NFKB1: variants seen among roughly 807,000 people sequenced by gnomAD.
The protein encoded by NFKB1 is nuclear factor kappa B subunit 1.
In NFKB1, 9 loss-of-function variants were observed where a neutral mutation model predicts 105.1. That is an observed-to-expected ratio of 0.09 (90% CI 0.05 to 0.15). The LOEUF (loss-of-function observed/expected upper bound fraction) is 0.15, where lower values mean the gene tolerates loss of function less well. Among genes scored for constraint, NFKB1 ranks in the 10% least tolerant of loss-of-function variants. The pLI, the probability that NFKB1 is intolerant of heterozygous loss-of-function variation, is 1.00. For missense variants in NFKB1, 830 were observed against 1,203.7 expected (o/e 0.69, Z 4.59); for synonymous variants, 440 against 442.2 (o/e 1.00, Z 0.06).
chr4:102,533,320 A>C (rs1216812736), intron 3 of NFKB1, among the ~76,000 whole-genome samples: 2 of 152,174 alleles, frequency 1.3e-5, no homozygotes, highest in African/African-American at 2.4e-5. Context: ...GTAAGGAAAA[A>C]GAGATAGCCT....
intron 4 of NFKB1, chr4:102,537,598 A>C: frequency 3.3e-6 from 1 of 306,046 alleles, no homozygotes; most frequent in Non-Finnish European, 6.2e-6. Flanking sequence ...CTCTCCACAC[A>C]TGCATAGCAT....
At chr4:102,529,626 C>A (rs534325250) in intron 2 of NFKB1, among the ~76,000 whole-genome samples, 1 of 152,174 alleles carries the variant, frequency 6.6e-6, no homozygotes, top group Admixed American at 6.5e-5. Context: ...GTTACGTAAA[C>A]GTTGTCCAAC....
chr4:102,565,235 G>T (rs1723762765), intron 5 of NFKB1, among the ~76,000 whole-genome samples: 4 of 152,016 alleles, frequency 2.6e-5, no homozygotes. Context: ...TTCGTGATTG[G>T]CTTGCTCTGG....
intron 5 of NFKB1, among the ~76,000 whole-genome samples, chr4:102,550,459 A>G (rs1272383751): frequency 6.6e-6 from 1 of 152,276 alleles, no homozygotes; most frequent in East Asian, 1.9e-4. Context: ...TTCTAATTCC[A>G]ATCCAACACT....
chr4:102,529,839 T>A lies in NFKB1; in HGVS notation c.43T>A (p.Phe15Ile). ...DPYLGRPEQMFHLDPSLTHTI... is the reference protein window; with the variant it reads ...DPYLGRPEQMIHLDPSLTHTI... ...ATTTAAATGTTCTTCTTTACAGATGTTTCATTTGGATCCTTCTTTGACTCA... is the reference window on the plus strand; with the variant it reads ...ATTTAAATGTTCTTCTTTACAGATGATTCATTTGGATCCTTCTTTGACTCA... The change falls in exon 3 of 24, where the codon TTT (phenylalanine) becomes ATT (isoleucine). Residue 15 changes from phenylalanine to isoleucine, a missense_variant. This residue lies in a region of NFKB1 where 46 missense variants were observed against 48.3 expected (regional missense o/e 0.95). Coordinates refer to ENST00000226574, the MANE Select transcript of NFKB1 (RefSeq NM_003998.4). 1 of 1,595,518 alleles carries A rather than the reference T, an allele frequency of 6.3e-7. No individual in the cohort carries two copies. The highest frequency in any genetic ancestry group is 1.1e-5 in the South Asian group (1 of 89,526).
chr4:102,601,814 A>G (rs1299855516), intron 16 of NFKB1, among the ~76,000 whole-genome samples: 1 of 152,190 alleles, frequency 6.6e-6, no homozygotes, highest in Admixed American at 6.5e-5. Flanking sequence ...TGAAACCAAG[A>G]TGGGGTTCGG....
intron 9 of NFKB1, among the ~76,000 whole-genome samples, chr4:102,581,914 A>G (rs1433707368): frequency 6.6e-6 from 1 of 152,248 alleles, no homozygotes. Context: ...AGGAGATTGT[A>G]AGATGTTTTA....
chr4:102,510,939 A>G, intron 1 of NFKB1: 1 of 1,285,404 alleles, frequency 7.8e-7, no homozygotes, highest in Non-Finnish European at 1.0e-6. Context: ...AGATATGAAA[A>G]GAACCACCAG....
chr4:102,587,177 C>A (rs1370459781), intron 11 of NFKB1, among the ~76,000 whole-genome samples: 6 of 152,216 alleles, frequency 3.9e-5, no homozygotes, highest in Admixed American at 3.9e-4. Context: ...TCCCACCTCT[C>A]CTTACTTCCC....
chr4:102,577,255 G>A (rs1265663499), intron 7 of NFKB1, among the ~76,000 whole-genome samples: 1 of 152,108 alleles, frequency 6.6e-6, no homozygotes, highest in Non-Finnish European at 1.5e-5. Flanking sequence ...TCTGGCCCCA[G>A]CAACTTTCAG....
intron 1 of NFKB1, among the ~76,000 whole-genome samples, chr4:102,513,903 G>A (rs1341833808): frequency 1.3e-5 from 2 of 152,086 alleles, no homozygotes; most frequent in Non-Finnish European, 2.9e-5. Flanking sequence ...GCCGGGCGCG[G>A]TGGCTCACGG....
chr4:102,545,644 G>A (rs1036366871), intron 5 of NFKB1, among the ~76,000 whole-genome samples: 3 of 151,998 alleles, frequency 2.0e-5, no homozygotes, highest in African/African-American at 7.3e-5. Flanking sequence ...TACTTTGCAG[G>A]AATCTTTTAA....
chr4:102,551,346 T>TGG (rs929209798), intron 5 of NFKB1, among the ~76,000 whole-genome samples: 1 of 120,580 alleles, frequency 8.3e-6, no homozygotes, highest in Admixed American at 7.8e-5. Flanking sequence ...TATTCTAAAT[T>TGG]GGTGTGTGTG....
At chr4:102,543,211 G>C (rs1455925442) in intron 5 of NFKB1, among the ~76,000 whole-genome samples, 5 of 152,078 alleles carry the variant, frequency 3.3e-5, no homozygotes, top group African/African-American at 9.7e-5. Flanking sequence ...TCACAGAGGT[G>C]GGTGACAAGA....
intron 5 of NFKB1, among the ~76,000 whole-genome samples, chr4:102,565,744 TTCTC>T (rs1263515819): frequency 6.6e-6 from 1 of 152,156 alleles, no homozygotes; most frequent in Non-Finnish European, 1.5e-5. Context: ...ACCTTTCTTT[TTCTC>T]TCTGTCTCTC....
chr4:102,608,015 C>G (rs954862994), intron 19 of NFKB1, among the ~76,000 whole-genome samples: 1 of 152,152 alleles, frequency 6.6e-6, no homozygotes, highest in Non-Finnish European at 1.5e-5. Context: ...TAGATTGACT[C>G]CCATGACAAA....
chr4:102,502,432 T>G (rs1282763815), intron 1 of NFKB1, among the ~76,000 whole-genome samples: 1 of 123,480 alleles, frequency 8.1e-6, no homozygotes, highest in Non-Finnish European at 1.6e-5. Context: ...ACACACGATA[T>G]AGTCACCTGC....
At chr4:102,565,808 C>A (rs1189435165) in intron 5 of NFKB1, among the ~76,000 whole-genome samples, 2 of 151,918 alleles carry the variant, frequency 1.3e-5, no homozygotes, top group African/African-American at 4.8e-5. Flanking sequence ...TTTTGAATTA[C>A]TGCGTAGTTG....
At chr4:102,570,979 A>G (rs998012597) in intron 6 of NFKB1, among the ~76,000 whole-genome samples, 5 of 152,218 alleles carry the variant, frequency 3.3e-5, no homozygotes, top group African/African-American at 1.2e-4. Context: ...ATTGGAAAAA[A>G]CTACTTTCAA....
Sources: gnomAD v4.1 joint callset for allele counts (sites outside exome capture counted in the v4.1 genomes callset) on GRCh38, gnomAD v4.1.1 for gene constraint, gnomAD v4.1.1 regional missense constraint, MANE v1.5 for transcripts, NCBI Gene and HGNC (gene_info 2026-07-23, HGNC 2026-07-21) for gene names.